The following CDC25C variants were observed in gnomAD, a reference collection of about 807,000 sequenced individuals.
CDC25C encodes the protein M-phase inducer phosphatase 3.
CDC25C carries 48 observed loss-of-function variants against 52.5 expected under a neutral mutation model. The ratio of observed to expected loss-of-function variants is 0.91; its 90% CI spans 0.72 to 1.16. CDC25C has a LOEUF of 1.16. CDC25C is among the 50% of genes most tolerant of loss of function. The probability of loss-of-function intolerance (pLI) is 0.00; values close to 1 mark genes in which losing one functional copy is unlikely to be tolerated. For missense variants in CDC25C, 510 were observed against 566.1 expected, an observed-to-expected ratio of 0.90 and a Z score of 1.01; for synonymous variants, 187 against 206.5, an observed-to-expected ratio of 0.91 and a Z score of 0.81.
chr5:138,328,898 AG>A (rs1279784701), intron 3 of CDC25C: 2 of 179,336 alleles, frequency 1.1e-5, no homozygotes, highest in East Asian at 3.0e-4. Flanking sequence ...TATAAAAATT[AG>A]TTGACAACAT....
chr5:138,333,163 A>G (rs866493338), upstream of CDC25C, among the ~76,000 whole-genome samples: 5 of 152,308 alleles, frequency 3.3e-5, no homozygotes, highest in African/African-American at 4.8e-5. Flanking sequence ...ACTTCAATGT[A>G]TATTTGAAAA....
chr5:138,286,972 T>C (rs1431774798), intron 11 of CDC25C, among the ~76,000 whole-genome samples, 197 bp downstream of exon 11: 1 of 152,072 alleles, frequency 6.6e-6, no homozygotes, highest in African/African-American at 2.4e-5. Context: ...AAGAGGGAGA[T>C]AGATCTAGGA....
At chr5:138,330,195 A>C (rs1322903459) in intron 2 of CDC25C, among the ~76,000 whole-genome samples, 2 of 147,422 alleles carry the variant, frequency 1.4e-5, no homozygotes, top group Non-Finnish European at 3.0e-5. Context: ...GAAACAGATA[A>C]TTTTTTTTTT....
intron 8 of CDC25C, among the ~76,000 whole-genome samples, chr5:138,291,662 G>T (rs1756724924): frequency 6.6e-6 from 1 of 151,516 alleles, no homozygotes. Context: ...CAGGCAATCC[G>T]CCCGCCTCGG....
At chr5:138,331,823 T>C (rs6861656), upstream of CDC25C, 357,749 of 971,308 alleles carry the variant, frequency 0.37, 66,795 homozygotes, top group South Asian at 0.44. Context: ...CCGCAGGCGT[T>C]GACCATTCAA....
chr5:138,330,752 G>T (rs1192574103), intron 2 of CDC25C, among the ~76,000 whole-genome samples: 1 of 152,114 alleles, frequency 6.6e-6, no homozygotes, highest in African/African-American at 2.4e-5. Flanking sequence ...CAGGCGATCC[G>T]CCCTCCTTGG....
chr5:138,323,526 G>T (rs1740644476), intron 6 of CDC25C, among the ~76,000 whole-genome samples: 1 of 151,510 alleles, frequency 6.6e-6, no homozygotes, highest in South Asian at 2.1e-4. Context: ...CCCAGCTAGG[G>T]AACTCAAAGT....
At chr5:138,289,004 G>A (rs1428671982) in intron 10 of CDC25C, among the ~76,000 whole-genome samples, 4 of 151,764 alleles carry the variant, frequency 2.6e-5, no homozygotes, top group Admixed American at 6.6e-5. Context: ...TCGCTGTGTC[G>A]CCCAGGCTGG....
At chr5:138,310,664 AAGG>A (rs1353716665) in intron 7 of CDC25C, among the ~76,000 whole-genome samples, 16 of 152,250 alleles carry the variant, frequency 1.1e-4, no homozygotes, top group Non-Finnish European at 8.8e-5. Flanking sequence ...AATTGAACAC[AAGG>A]AGATCATATG....
intron 10 of CDC25C, 147 bp downstream of exon 10, chr5:138,289,354 G>A (rs1414346271): frequency 2.7e-5 from 16 of 593,338 alleles, no homozygotes; most frequent in Non-Finnish European, 4.6e-5. Context: ...GGAAAAAAAT[G>A]AGTCCTTCAA....
intron 7 of CDC25C, among the ~76,000 whole-genome samples, chr5:138,301,734 C>T (rs34801052): frequency 0.33 from 46,832 of 142,368 alleles, 8,090 homozygotes; most frequent in East Asian, 0.61. Context: ...GATGGAGTCT[C>T]GCTCTGTCAC....
In CDC25C at chr5:138,331,220, TA is replaced by T. The variant is rs1261106364; in HGVS notation, c.-38-3del. 36 of 1,592,052 alleles carry T rather than the reference TA, an allele frequency of 2.3e-5. No homozygotes were observed. Among genetic ancestry groups the T allele is most frequent in the Non-Finnish European group, 3.0e-5 (35 of 1,161,264 alleles). On this transcript the variant is annotated splice_region_variant and splice_polypyrimidine_tract_variant and intron_variant, in intron 1 of 13. Transcript: ENST00000323760. ...CACCAGGAGAAAAACAAAACCTAGC[TA>T]GGAGGAAAACGTCATCTAAATCGGT...
chr5:138,335,174 A>G (rs1760622613), upstream of CDC25C: 1 of 152,260 alleles, frequency 6.6e-6, no homozygotes, highest in African/African-American at 2.4e-5. Context: ...CAGATCAGGC[A>G]GTGGAGAAGA....
rs754897276 is a variant in CDC25C at position 138,331,104 on chromosome 5, C to A, written c.77G>T (p.Arg26Met). Residue 26 changes from arginine (R) to methionine (M), a missense_variant, in exon 2 of 14, where the codon AGG becomes ATG. Arg to Met is a moderately conservative substitution (Grantham distance 91). Coordinates refer to ENST00000323760, the MANE Select transcript of CDC25C (RefSeq NM_001790.5). ...GSGPSFRSNQ[R>M]KMLNLLLERD... The stretch of plus-strand genomic sequence containing the variant: ...CTCCAGGAGCAGGTTTAACATTTTC[C>A]TTTGATTAGACCTAAAACTGGGTCC... 5.9e-5 allele frequency: 95 copies of A among 1,614,028 alleles called. No homozygotes were observed. Among genetic ancestry groups the A allele is most frequent in the Non-Finnish European group, 7.9e-5 (93 of 1,179,868 alleles).
Position 138,325,913 on chromosome 5 carries a change from G to C in CDC25C, c.370-9C>G. ...CTACAAAGAAGCTGTGCCTAAAAAA[G>C]AGAGTTTGCTGAGAACGTCCAGCAT... On this transcript the variant is annotated splice_polypyrimidine_tract_variant and intron_variant, in intron 5 of 13. Transcript: ENST00000323760. 6.2e-7 allele frequency: 1 copy of C among 1,613,472 alleles called. No homozygotes were observed. Among genetic ancestry groups the C allele is most frequent in the African/African-American group, 1.3e-5 (1 of 75,022 alleles).
chr5:138,291,322 T>G (rs2126658685), intron 8 of CDC25C, among the ~76,000 whole-genome samples: 1 of 152,222 alleles, frequency 6.6e-6, no homozygotes, highest in East Asian at 1.9e-4. Context: ...TCAGACTGCA[T>G]GTAAAACAGC....
chr5:138,288,393 C>T (rs979421777), intron 10 of CDC25C, among the ~76,000 whole-genome samples: 1 of 149,770 alleles, frequency 6.7e-6, no homozygotes, highest in African/African-American at 2.4e-5. Flanking sequence ...TTCTATAAAA[C>T]ATATGCTAGA....
intron 8 of CDC25C, among the ~76,000 whole-genome samples, chr5:138,291,046 C>T (rs1024919685): frequency 2.0e-5 from 3 of 151,912 alleles, no homozygotes; most frequent in Admixed American, 2.0e-4. Context: ...CAGAGTGAGA[C>T]CCCATCTCAG....
chr5:138,285,681 C>A lies in CDC25C; in HGVS notation c.*11G>T. The A allele has an allele frequency of 6.2e-7, 1 of 1,613,030 alleles. No homozygotes were observed. The highest frequency in any genetic ancestry group is 1.1e-5 in the South Asian group (1 of 90,952). On this transcript the variant is annotated 3_prime_UTR_variant, in exon 14 of 14. Transcript: ENST00000323760. ...TTGGTGACTTGTTAGCAGCCAGTGGCTGGAATGTTATCATGGGCTCATGTC... is the reference window on the plus strand; with the variant it reads ...TTGGTGACTTGTTAGCAGCCAGTGGATGGAATGTTATCATGGGCTCATGTC...
Sources: gnomAD v4.1 joint callset for allele counts (sites outside exome capture counted in the v4.1 genomes callset) on GRCh38, gnomAD v4.1.1 for gene constraint, MANE v1.5 for transcripts, NCBI Gene and HGNC (gene_info 2026-07-23, HGNC 2026-07-21) for gene names.